FREM1: variants seen among roughly 807,000 people sequenced by gnomAD.
FREM1 encodes the protein FRAS1 related extracellular matrix 1.
A neutral mutation model predicts 210.1 loss-of-function variants in FREM1; 220 were observed. The ratio of observed to expected loss-of-function variants is 1.05; its 90% confidence interval spans 0.94 to 1.17. The LOEUF is 1.17. Among genes scored for constraint, FREM1 ranks in the 50% most tolerant of loss-of-function variants. The probability of loss-of-function intolerance (pLI) is 0.00; values close to 1 mark genes in which losing one functional copy is unlikely to be tolerated. For missense variants in FREM1, 3,454 were observed against 2,675.5 expected, an observed-to-expected ratio of 1.29 and a Z score of -6.42; for synonymous variants, 1,189 against 980.2, an observed-to-expected ratio of 1.21 and a Z score of -3.98.
In FREM1 at chr9:14,801,658, T is replaced by C. The variant is rs761978742; in HGVS notation, c.3688A>G (p.Lys1230Glu). The change falls in exon 20 of 37, where the codon AAG (lysine) becomes GAG (glutamate). Residue 1230 changes from lysine to glutamate, a missense_variant. Physicochemically the swap from Lys to Glu is moderately conservative, Grantham distance 56. Coordinates refer to ENST00000380880, the MANE Select transcript of FREM1 (RefSeq NM_001379081.2). ...GAAGTGGAACATGCTATACCAGTCT[T>C]GAGGAGTTCCATGGAAAAGCTGTGA... ...PVHSFSMELLKTGMRLTYMHD... is the reference protein window; with the variant it reads ...PVHSFSMELLETGMRLTYMHD... 8.1e-6 allele frequency: 13 copies of C among 1,605,066 alleles called. No individual in the cohort carries two copies. The Admixed American group carries it at 2.2e-4, about 27-fold the overall frequency.
intron 1 of FREM1, among the ~76,000 whole-genome samples, chr9:14,874,049 C>G (rs1833226251): frequency 1.3e-5 from 2 of 152,114 alleles, no homozygotes. Flanking sequence ...GTTATCATCT[C>G]TGTTCTTTTA....
chr9:14,804,682 T>C (rs569420938), intron 19 of FREM1, among the ~76,000 whole-genome samples: 2 of 152,306 alleles, frequency 1.3e-5, no homozygotes, highest in South Asian at 4.1e-4. Flanking sequence ...CTAGGCAAGA[T>C]ACAAGACAAT....
intron 20 of FREM1, among the ~76,000 whole-genome samples, chr9:14,801,415 T>C (rs1441174140): frequency 1.3e-5 from 2 of 152,258 alleles, no homozygotes; most frequent in African/African-American, 2.4e-5. Context: ...GTATGCAATA[T>C]ATTGTTAACT....
chr9:14,806,252 A>AC (rs150712536), intron 18 of FREM1, among the ~76,000 whole-genome samples: 3,639 of 131,028 alleles, frequency 0.028, 172 homozygotes, highest in African/African-American at 0.096. Flanking sequence ...GGTGCTTTAA[A>AC]CTTTTTTTTT....
chr9:14,860,560 C>CATATATATATATACAT (rs1352930508), intron 3 of FREM1, among the ~76,000 whole-genome samples: 1 of 102,588 alleles, frequency 9.7e-6, no homozygotes, highest in East Asian at 3.3e-4. Flanking sequence ...TATATACACA[C>CATATATATATATACAT]ATATATATAC....
chr9:14,898,436 C>T (rs1019041531), intron 1 of FREM1, among the ~76,000 whole-genome samples: 4 of 152,102 alleles, frequency 2.6e-5, no homozygotes, highest in Non-Finnish European at 5.9e-5. Flanking sequence ...TGTCATTAAA[C>T]ATTTGTCAGA....
intron 1 of FREM1, among the ~76,000 whole-genome samples, chr9:14,902,016 T>G (rs927177827): frequency 4.6e-5 from 7 of 151,890 alleles, no homozygotes; most frequent in Non-Finnish European, 7.4e-5. Context: ...TGCCTGGTTT[T>G]TTTTTTTTTT....
intron 34 of FREM1, 121 bp from the exon 35 acceptor site, chr9:14,746,589 T>A: frequency 1.4e-6 from 1 of 728,198 alleles, no homozygotes; most frequent in Non-Finnish European, 2.4e-6. Context: ...ACAAAGGGAG[T>A]CAGCCCTAAT....
intron 10 of FREM1, among the ~76,000 whole-genome samples, chr9:14,839,351 T>A (rs1166567705): frequency 6.6e-6 from 1 of 152,192 alleles, no homozygotes. Flanking sequence ...TGTATTTTGG[T>A]CATAAGTTTA....
Position 14,747,103 on chromosome 9 carries a change from G to A in FREM1, c.6010-52C>T. The A allele has an allele frequency of 3.7e-6, 6 of 1,610,666 alleles. No individual in the cohort carries two copies. In the South Asian group the frequency reaches 6.6e-5, roughly 18 times the overall value. Reference sequence around the variant, plus strand: ...ATTTAGAATTGACTTAAGGAAAGTTGCTCACACATTCACCTCCTTTGGGTC... The same window carrying A: ...ATTTAGAATTGACTTAAGGAAAGTTACTCACACATTCACCTCCTTTGGGTC... On this transcript the variant is annotated intron_variant, in intron 33 of 36. Coordinates refer to ENST00000380880, the MANE Select transcript of FREM1 (RefSeq NM_001379081.2).
At chr9:14,796,444 A>C (rs1852410990) in intron 21 of FREM1, among the ~76,000 whole-genome samples, 1 of 152,200 alleles carries the variant, frequency 6.6e-6, no homozygotes, top group Non-Finnish European at 1.5e-5. Context: ...CCAATTGTAA[A>C]AGAAATGGCT....
chr9:14,773,304 A>C (rs1461857855), intron 25 of FREM1, among the ~76,000 whole-genome samples: 3 of 152,216 alleles, frequency 2.0e-5, no homozygotes, highest in Admixed American at 6.5e-5. Flanking sequence ...GTATCAGTCA[A>C]ATACACCTGT....
At chr9:14,742,518 A>G (rs1841756114) in intron 35 of FREM1, among the ~76,000 whole-genome samples, 1 of 152,190 alleles carries the variant, frequency 6.6e-6, no homozygotes, top group Non-Finnish European at 1.5e-5. Context: ...AAGACTAGAG[A>G]TAAAGATTAA....
At chr9:14,830,969 G>T (rs1471418443) in intron 10 of FREM1, among the ~76,000 whole-genome samples, 1 of 152,196 alleles carries the variant, frequency 6.6e-6, no homozygotes. Flanking sequence ...CATCAACCTA[G>T]TATATACGCT....
intron 1 of FREM1, among the ~76,000 whole-genome samples, chr9:14,903,103 T>C (rs1839067482): frequency 6.6e-6 from 1 of 152,222 alleles, no homozygotes; most frequent in Admixed American, 6.5e-5. Context: ...TTTTGATTGT[T>C]CCAAAATTTC....
At position 14,784,469 on chromosome 9, in the gene FREM1, G is replaced by C. The variant is rs748793500; in HGVS notation, c.4343C>G (p.Pro1448Arg). Residue 1448 changes from proline to arginine, a missense_variant, in exon 24 of 37, where the codon CCT (proline) becomes CGT (arginine). By Grantham distance (103) the Pro-to-Arg change is moderately radical (BLOSUM62 -2). Coordinates refer to ENST00000380880, the MANE Select transcript of FREM1 (RefSeq NM_001379081.2). Reference protein sequence around the residue: ...RYGQIEYVHYPGVPITNFSQM... With the variant: ...RYGQIEYVHYRGVPITNFSQM... ...GCTGAAGTTTGTAATGGGAACTCCA[G>C]GATAGTGAACATATTCGATCTGGCC... 4 of 1,613,904 alleles carry C rather than the reference G, an allele frequency of 2.5e-6. No individual in the cohort carries two copies. The highest frequency in any genetic ancestry group is 3.4e-6 in the Non-Finnish European group (4 of 1,179,846).
chr9:14,868,480 T>C (rs1036887016), intron 2 of FREM1, among the ~76,000 whole-genome samples: 1 of 152,226 alleles, frequency 6.6e-6, no homozygotes, highest in African/African-American at 2.4e-5. Flanking sequence ...GTTATTATAA[T>C]CAGGATTAAA....
intron 1 of FREM1, among the ~76,000 whole-genome samples, chr9:14,878,518 C>CT (rs1834196176): frequency 6.6e-6 from 1 of 152,164 alleles, no homozygotes; most frequent in Non-Finnish European, 1.5e-5. Flanking sequence ...CACTTTCCTG[C>CT]TTAGTTTTTA....
chr9:14,870,926 T>C (rs1284505015), intron 1 of FREM1, among the ~76,000 whole-genome samples: 2 of 151,582 alleles, frequency 1.3e-5, no homozygotes, highest in African/African-American at 4.8e-5. Context: ...GTTCCTGCGA[T>C]AGTTTACTGA....
Sources: gnomAD v4.1 joint callset for allele counts (sites outside exome capture counted in the v4.1 genomes callset) on GRCh38, gnomAD v4.1.1 for gene constraint, MANE v1.5 for transcripts, NCBI Gene and HGNC (gene_info 2026-07-23, HGNC 2026-07-21) for gene names.